The following PCSK5 variants were observed in gnomAD, a reference collection of about 807,000 sequenced individuals.
PCSK5 encodes proprotein convertase subtilisin/kexin type 5.
Under a neutral mutation model 233.2 loss-of-function variants are expected in PCSK5, and 129 were observed. The ratio of observed to expected loss-of-function variants is 0.55; its 90% CI spans 0.48 to 0.64. The LOEUF is 0.64. Among genes scored for constraint, PCSK5 ranks in the 30% least tolerant of loss-of-function variants. The probability of loss-of-function intolerance (pLI) is 0.00; values close to 1 mark genes in which losing one functional copy is unlikely to be tolerated. For missense variants in PCSK5, 2,076 were observed against 2,430.1 expected (o/e 0.85, Z 3.06); for synonymous variants, 825 against 879.2 (o/e 0.94, Z 1.09).
intron 7 of PCSK5, among the ~76,000 whole-genome samples, chr9:76,073,503 A>G (rs950044082): frequency 6.6e-5 from 10 of 152,294 alleles, no homozygotes; most frequent in African/African-American, 1.4e-4. Flanking sequence ...AATATATTCT[A>G]TGTAATCTGG....
chr9:76,161,518 G>A (rs1486999665), intron 12 of PCSK5, among the ~76,000 whole-genome samples: 3 of 151,522 alleles, frequency 2.0e-5, no homozygotes, highest in African/African-American at 4.9e-5. Context: ...ACTGTGAAGT[G>A]CAAAGGTTTG....
intron 24 of PCSK5, among the ~76,000 whole-genome samples, chr9:76,246,795 C>G (rs772930659): frequency 8.5e-5 from 13 of 152,220 alleles, no homozygotes; most frequent in Admixed American, 5.2e-4. Context: ...TCATGACACA[C>G]TGTTACATGG....
intron 20 of PCSK5, among the ~76,000 whole-genome samples, chr9:76,191,190 G>A (rs1324159530): frequency 1.3e-5 from 2 of 148,678 alleles, no homozygotes. Context: ...AAACATCTTT[G>A]GATTGTTATA....
chr9:76,066,577 A>G (rs1032881774), intron 5 of PCSK5, among the ~76,000 whole-genome samples: 4 of 152,336 alleles, frequency 2.6e-5, no homozygotes, highest in East Asian at 1.9e-4. Flanking sequence ...CGGTGTGTAT[A>G]TATATAGACA....
chr9:76,001,786 A>T (rs866040813), intron 3 of PCSK5, among the ~76,000 whole-genome samples: 3 of 152,210 alleles, frequency 2.0e-5, no homozygotes, highest in African/African-American at 4.8e-5. Flanking sequence ...CAGGGCTGGA[A>T]ACATTTCTAA....
intron 10 of PCSK5, among the ~76,000 whole-genome samples, chr9:76,140,382 AATGTGGATAGCTAATACTAAAC>A (rs1823161312): frequency 6.6e-6 from 1 of 152,090 alleles, no homozygotes; most frequent in African/African-American, 2.4e-5. Context: ...GTTTTTGAGG[AATGTGGATAGCTAATACTAAAC>A]ATAATGAGAA....
At chr9:76,024,645 A>T (rs1258659538) in intron 4 of PCSK5, among the ~76,000 whole-genome samples, 2 of 152,184 alleles carry the variant, frequency 1.3e-5, no homozygotes, top group Non-Finnish European at 2.9e-5. Flanking sequence ...AATGTATTTG[A>T]CTAAATACAA....
intron 1 of PCSK5, among the ~76,000 whole-genome samples, chr9:75,930,481 T>G (rs1243779358): frequency 6.6e-6 from 1 of 152,178 alleles, no homozygotes; most frequent in Non-Finnish European, 1.5e-5. Flanking sequence ...GAATAAAAGT[T>G]TAATACAATA....
intron 2 of PCSK5, among the ~76,000 whole-genome samples, chr9:75,940,467 A>T (rs1184546625): frequency 6.6e-6 from 1 of 152,252 alleles, no homozygotes; most frequent in Admixed American, 6.5e-5. Flanking sequence ...AGGAAAGGGC[A>T]TAGGAAAAGG....
At chr9:76,341,232 A>AC (rs1427175822) in intron 35 of PCSK5, among the ~76,000 whole-genome samples, 1 of 151,536 alleles carries the variant, frequency 6.6e-6, no homozygotes, top group East Asian at 1.9e-4. Flanking sequence ...CTCAAAAACA[A>AC]AAAAAAAGAT....
intron 21 of PCSK5, 70 bp downstream of exon 21, chr9:76,227,675 A>C: frequency 3.1e-6 from 3 of 960,316 alleles, no homozygotes; most frequent in South Asian, 2.8e-5. Flanking sequence ...GGAGGTGCTC[A>C]CCATCTTAGC....
At chr9:76,335,704 C>G (rs888612446) in intron 34 of PCSK5, among the ~76,000 whole-genome samples, 1 of 152,188 alleles carries the variant, frequency 6.6e-6, no homozygotes, top group Non-Finnish European at 1.5e-5. Flanking sequence ...GATAAGCTTT[C>G]TTTCCCACAG....
intron 24 of PCSK5, among the ~76,000 whole-genome samples, chr9:76,279,888 C>A (rs1827815109): frequency 6.6e-6 from 1 of 151,652 alleles, no homozygotes; most frequent in Non-Finnish European, 1.5e-5. Flanking sequence ...ATGGTAGTTT[C>A]TTTTGCTGTG....
intron 5 of PCSK5, among the ~76,000 whole-genome samples, chr9:76,052,572 C>T (rs1829668896): frequency 6.6e-6 from 1 of 152,204 alleles, no homozygotes; most frequent in Admixed American, 6.5e-5. Context: ...CAATGGGTCC[C>T]TCCCACGATG....
intron 2 of PCSK5, among the ~76,000 whole-genome samples, chr9:75,947,848 A>C (rs1466160496): frequency 6.6e-6 from 1 of 152,082 alleles, no homozygotes; most frequent in Non-Finnish European, 1.5e-5. Flanking sequence ...TGCTTTCTCC[A>C]TGGATATTTT....
chr9:76,211,621 G>C (rs1375741804), intron 20 of PCSK5, among the ~76,000 whole-genome samples: 1 of 152,204 alleles, frequency 6.6e-6, no homozygotes, highest in Non-Finnish European at 1.5e-5. Context: ...GCTGAGGTGG[G>C]AGGATCACTG....
chr9:75,920,920 T>C (rs1046663895), intron 1 of PCSK5, among the ~76,000 whole-genome samples: 1 of 152,182 alleles, frequency 6.6e-6, no homozygotes, highest in African/African-American at 2.4e-5. Context: ...GATTATACCA[T>C]ACACATTCAA....
intron 5 of PCSK5, among the ~76,000 whole-genome samples, chr9:76,034,788 T>C (rs1256792428): frequency 1.3e-5 from 2 of 152,218 alleles, no homozygotes; most frequent in Non-Finnish European, 2.9e-5. Context: ...GAACATATAC[T>C]AAGTTGATTT....
chr9:76,362,900 G>A lies in PCSK5; in HGVS notation c.*3978G>A, dbSNP rs1276431549. Among the ~76,000 whole-genome samples, 2 of 152,158 alleles carry A rather than the reference G, an allele frequency of 1.3e-5. No individual in the cohort carries two copies. Among genetic ancestry groups the A allele is most frequent in the Non-Finnish European group, 2.9e-5 (2 of 68,022 alleles). ...TGAGCCCTTAAAAGGGACAGGAATT[G>A]CTCACTCGGGGAGCTCGGCTCTTGA... is the stretch of plus-strand genomic sequence containing the variant. On this transcript the variant is annotated 3_prime_UTR_variant, in exon 38 of 38. Transcript: ENST00000674117.
Sources: gnomAD v4.1 joint callset for allele counts (sites outside exome capture counted in the v4.1 genomes callset) on GRCh38, gnomAD v4.1.1 for gene constraint, MANE v1.5 for transcripts, NCBI Gene and HGNC (gene_info 2026-07-23, HGNC 2026-07-21) for gene names.